NCKAP1: variants seen among roughly 807,000 people sequenced by gnomAD.
NCKAP1 encodes NCK associated protein 1.
A neutral mutation model predicts 151.2 loss-of-function variants in NCKAP1; 21 were observed. The observed-to-expected ratio is 0.14, with a 90% confidence interval of 0.10 to 0.20. The LOEUF (loss-of-function observed/expected upper bound fraction) is 0.20. Ranked by LOEUF, NCKAP1 falls within the 10% of genes least tolerant of loss-of-function variation. The pLI is 1.00. For missense variants in NCKAP1, 933 were observed against 1,352.1 expected (o/e 0.69, Z 4.86); for synonymous variants, 484 against 451.8 (o/e 1.07, Z -0.90).
chr2:182,910,218 G>T lies in NCKAP1; in HGVS notation c.*15484C>A, dbSNP rs1273595863. The T allele has an allele frequency of 6.6e-6, 1 of 152,122 alleles. No individual in the cohort carries two copies. Among genetic ancestry groups the T allele is most frequent in the East Asian group, 1.9e-4 (1 of 5,196 alleles). The allele number at this position is 152,122 out of a possible 1,614,324, so 9.4% of individuals were successfully genotyped here. ...GCCTCACTAAACTCTACATCATTTT[G>T]GAGTCCAAGTAAACCTGCTGTGGGA... On this transcript the variant is annotated 3_prime_UTR_variant, in exon 31 of 31. Coordinates refer to ENST00000361354, the MANE Select transcript of NCKAP1 (RefSeq NM_013436.5).
chr2:183,000,502 AAGACAG>A (rs1196520476), intron 6 of NCKAP1, among the ~76,000 whole-genome samples: 2 of 152,142 alleles, frequency 1.3e-5, no homozygotes, highest in African/African-American at 4.8e-5. Context: ...AGGAATAGAA[AAGACAG>A]TTCCGGGTGG....
intron 16 of NCKAP1, among the ~76,000 whole-genome samples, chr2:182,966,995 T>A (rs970431921): frequency 2.6e-5 from 4 of 152,220 alleles, no homozygotes; most frequent in African/African-American, 4.8e-5. Flanking sequence ...AAAAGTCACA[T>A]CAGTAAGTTG....
intron 24 of NCKAP1, among the ~76,000 whole-genome samples, chr2:182,940,199 A>G (rs1696966929): frequency 6.6e-6 from 1 of 152,180 alleles, no homozygotes; most frequent in South Asian, 2.1e-4. Flanking sequence ...TGGGGTTGTC[A>G]AATGAGTATT....
At chr2:182,976,067 T>G (rs2105847755) in intron 15 of NCKAP1, among the ~76,000 whole-genome samples, 1 of 152,292 alleles carries the variant, frequency 6.6e-6, no homozygotes, top group South Asian at 2.1e-4. Context: ...AGGGGCAAAC[T>G]GAATGTTTTG....
At position 182,918,705 on chromosome 2, in the gene NCKAP1, T is replaced by C. The variant is rs1444615952; in HGVS notation, c.*6997A>G. On this transcript the variant is annotated 3_prime_UTR_variant, in exon 31 of 31. Coordinates refer to ENST00000361354, the MANE Select transcript of NCKAP1 (RefSeq NM_013436.5). ...AGAAGTGGGAGGATGGGAACGGGTC[T>C]AGGGATAAAAAACTACACATTGGGT... 6.6e-6 allele frequency: 1 copy of C among 152,178 alleles called. No individual in the cohort carries two copies. Among genetic ancestry groups the C allele is most frequent in the Admixed American group, 6.5e-5 (1 of 15,270 alleles). The allele number at this position is 152,178 out of a possible 1,614,324, so 9.4% of individuals were successfully genotyped here. A position where few individuals can be genotyped will look rare whatever the true frequency, so the allele number is the denominator to read the frequency against.
intron 1 of NCKAP1, among the ~76,000 whole-genome samples, chr2:183,036,815 C>CAAAA (rs143710680): frequency 6.0e-5 from 8 of 133,512 alleles, no homozygotes; most frequent in African/African-American, 1.4e-4. Flanking sequence ...AATGAATTTC[C>CAAAA]AAAGAAAAAA....
At chr2:183,005,267 A>T (rs567463246) in intron 2 of NCKAP1, among the ~76,000 whole-genome samples, 13 of 152,264 alleles carry the variant, frequency 8.5e-5, no homozygotes, top group African/African-American at 3.1e-4. Flanking sequence ...TAATAATCCC[A>T]ATTTATTTTA....
At chr2:183,001,234 C>A (rs1189009570) in intron 6 of NCKAP1, among the ~76,000 whole-genome samples, 1 of 152,170 alleles carries the variant, frequency 6.6e-6, no homozygotes, top group Non-Finnish European at 1.5e-5. Flanking sequence ...CTTACCTTGT[C>A]ATGATACTGC....
chr2:182,974,083 T>C (rs760094260), intron 15 of NCKAP1, among the ~76,000 whole-genome samples: 13 of 152,256 alleles, frequency 8.5e-5, no homozygotes, highest in Admixed American at 2.6e-4. Context: ...TACAGTCTAA[T>C]CTGTAGGCTT....
chr2:183,027,786 T>C (rs917995213), intron 1 of NCKAP1, among the ~76,000 whole-genome samples: 5 of 152,316 alleles, frequency 3.3e-5, no homozygotes, highest in East Asian at 1.9e-4. Flanking sequence ...TAAAAATTCA[T>C]CTTATTCCCC....
chr2:183,025,877 TCA>T (rs1343824690), intron 1 of NCKAP1, among the ~76,000 whole-genome samples: 2 of 152,188 alleles, frequency 1.3e-5, no homozygotes, highest in Non-Finnish European at 2.9e-5. Flanking sequence ...CAAATTATGT[TCA>T]GTTTTTTCAT....
At chr2:182,943,680 T>C (rs1259869314) in intron 23 of NCKAP1, among the ~76,000 whole-genome samples, 1 of 152,108 alleles carries the variant, frequency 6.6e-6, no homozygotes, top group East Asian at 1.9e-4. Context: ...ATAAGATACA[T>C]ACCATTTCAG....
intron 6 of NCKAP1, among the ~76,000 whole-genome samples, chr2:182,999,473 G>C (rs547150888): frequency 1.3e-5 from 2 of 152,186 alleles, no homozygotes; most frequent in Admixed American, 6.5e-5. Flanking sequence ...CAGTCAGAAT[G>C]GCAAATATTA....
At chr2:183,037,889 C>A in intron 1 of NCKAP1, 103 bp downstream of exon 1, 2 of 882,924 alleles carry the variant, frequency 2.3e-6, no homozygotes, top group Non-Finnish European at 3.2e-6. Flanking sequence ...GCCGAGATTT[C>A]TACACCCGGC....
intron 17 of NCKAP1, among the ~76,000 whole-genome samples, chr2:182,963,165 CT>C (rs2105834521): frequency 6.6e-6 from 1 of 151,916 alleles, no homozygotes; most frequent in African/African-American, 2.4e-5. Context: ...TTAAAATGCC[CT>C]GTAAAACTTT....
intron 20 of NCKAP1, among the ~76,000 whole-genome samples, chr2:182,956,074 T>C (rs1435166834): frequency 2.0e-5 from 3 of 152,110 alleles, no homozygotes; most frequent in Non-Finnish European, 1.5e-5. Context: ...CAGAGTCTTG[T>C]TCTGTCACCC....
At chr2:183,012,290 G>C (rs2105884973) in intron 2 of NCKAP1, among the ~76,000 whole-genome samples, 1 of 152,290 alleles carries the variant, frequency 6.6e-6, no homozygotes, top group East Asian at 1.9e-4. Context: ...GCAAAACAGG[G>C]AAGTCAAAGG....
rs1696562188 is a variant in NCKAP1, at chr2:182,922,277, G to GACTT, written c.*3424_*3425insAAGT. On this transcript the variant is annotated 3_prime_UTR_variant, in exon 31 of 31. Transcript: ENST00000361354. ...GGCTTCATTTAGAAGGCCTGATGGT[G>GACTT]TACAACAGACTTTACATTTTCACAT... The GACTT allele has an allele frequency of 1.3e-5, 2 of 152,182 alleles. No individual in the cohort carries two copies. Among genetic ancestry groups the GACTT allele is most frequent in the Non-Finnish European group, 2.9e-5 (2 of 68,040 alleles). The allele number at this position is 152,182 out of a possible 1,614,324, so 9.4% of individuals were successfully genotyped here.
rs948475594 is a variant in NCKAP1, at chr2:182,911,469, A to G, written c.*14233T>C. On this transcript the variant is annotated 3_prime_UTR_variant, in exon 31 of 31. Transcript: ENST00000361354. ...AGTTCATGACTTTATTAACTTATAT[A>G]GTTAATACATGTTTTATATACTGTT... 1 of 152,202 alleles carries G rather than the reference A, an allele frequency of 6.6e-6. No homozygotes were observed. 9.4% of individuals were successfully genotyped at this position (152,202 alleles called of 1,614,324 possible). A position where few individuals can be genotyped will look rare whatever the true frequency, so the allele number is the denominator to read the frequency against.
Sources: allele counts gnomAD v4.1 joint callset (sites outside exome capture counted in the v4.1 genomes callset), GRCh38; gene constraint gnomAD v4.1.1; transcripts MANE v1.5; gene names NCBI Gene and HGNC (gene_info 2026-07-23, HGNC 2026-07-21).